Variants in KAZN observed in about 807,000 individuals in gnomAD.
KAZN encodes the protein kazrin.
In KAZN, 40 loss-of-function variants were observed where a neutral mutation model predicts 87.4. The observed-to-expected ratio is 0.46, with a 90% CI of 0.36 to 0.60. KAZN has a LOEUF of 0.60. Among genes scored for constraint, KAZN ranks in the 20% least tolerant of loss-of-function variants. KAZN has a pLI of 0.00. For synonymous variants in KAZN, 466 were observed against 458.3 expected, an observed-to-expected ratio of 1.02 and a Z score of -0.22; for missense variants, 898 against 1,073.9, an observed-to-expected ratio of 0.84 and a Z score of 2.29.
At chr1:13,986,133 T>C (rs919097758) in intron 1 of KAZN, among the ~76,000 whole-genome samples, 17 of 152,238 alleles carry the variant, frequency 1.1e-4, no homozygotes, top group Admixed American at 7.2e-4. Flanking sequence ...CCAACAGCAG[T>C]GTATGAGAGT....
intron 2 of KAZN, among the ~76,000 whole-genome samples, chr1:14,420,389 A>C (rs1665308825): frequency 6.6e-6 from 1 of 152,152 alleles, no homozygotes; most frequent in Admixed American, 6.5e-5. Flanking sequence ...TAAATTCTCC[A>C]AGTACCCACC....
intron 1 of KAZN, among the ~76,000 whole-genome samples, chr1:14,717,296 T>G (rs1339195617): frequency 6.6e-6 from 1 of 151,900 alleles, no homozygotes; most frequent in Non-Finnish European, 1.5e-5. Context: ...GCTGGGAATG[T>G]GTTGATGAAC....
chr1:14,945,970 G>T, intron 1 of KAZN: 1 of 948,572 alleles, frequency 1.1e-6, no homozygotes. Context: ...GTGCCAGGCC[G>T]CTTGCTGGGG....
intron 2 of KAZN, among the ~76,000 whole-genome samples, chr1:14,199,138 TC>T (rs1339474667): frequency 6.6e-6 from 1 of 152,182 alleles, no homozygotes; most frequent in South Asian, 2.1e-4. Flanking sequence ...ACATTGCAAG[TC>T]CCTGCTTAAA....
At chr1:14,050,169 GGTGT>G (rs1250902851) in intron 1 of KAZN, among the ~76,000 whole-genome samples, 3 of 150,764 alleles carry the variant, frequency 2.0e-5, no homozygotes, top group Admixed American at 6.6e-5. Context: ...CGCGTGTGTG[GGTGT>G]GTGCGCACAT....
intron 2 of KAZN, among the ~76,000 whole-genome samples, chr1:14,478,060 C>T (rs1275471677): frequency 1.3e-5 from 2 of 152,186 alleles, no homozygotes; most frequent in African/African-American, 2.4e-5. Flanking sequence ...CTCACTCCCA[C>T]CCTCATTCTC....
chr1:14,420,420 C>G (rs985847851), intron 2 of KAZN, among the ~76,000 whole-genome samples: 3 of 152,222 alleles, frequency 2.0e-5, no homozygotes, highest in Non-Finnish European at 2.9e-5. Context: ...GCCCAGCTGG[C>G]TTCACCTAGT....
chr1:14,786,541 C>T (rs1176033001), intron 1 of KAZN, among the ~76,000 whole-genome samples: 1 of 152,212 alleles, frequency 6.6e-6, no homozygotes, highest in Non-Finnish European at 1.5e-5. Context: ...GCAAGAAAAT[C>T]AAGCTCAAAT....
At chr1:14,798,516 TTTCC>T (rs1395356688) in intron 1 of KAZN, among the ~76,000 whole-genome samples, 3 of 6,220 alleles carry the variant, frequency 4.8e-4, no homozygotes, top group Non-Finnish European at 6.7e-4. Flanking sequence ...CAAGCTCCAC[TTTCC>T]ACTTCCCAGG....
intron 2 of KAZN, among the ~76,000 whole-genome samples, chr1:14,501,141 A>T (rs1012192793): frequency 6.6e-6 from 1 of 151,176 alleles, no homozygotes; most frequent in Non-Finnish European, 1.5e-5. Flanking sequence ...AAATAATAAT[A>T]AAAGCCCACA....
At chr1:14,628,038 A>G (rs879534966) in intron 1 of KAZN, among the ~76,000 whole-genome samples, 3 of 152,130 alleles carry the variant, frequency 2.0e-5, no homozygotes, top group Admixed American at 1.3e-4. Context: ...CCCAAGAAAT[A>G]GGCAGCACCC....
At chr1:14,554,230 T>A (rs369708289) in intron 2 of KAZN, among the ~76,000 whole-genome samples, 2 of 151,890 alleles carry the variant, frequency 1.3e-5, no homozygotes, top group Non-Finnish European at 2.9e-5. Context: ...AAGCACCCAA[T>A]AAAAGTCGGT....
At chr1:15,011,441 A>G (rs1182761904) in intron 2 of KAZN, among the ~76,000 whole-genome samples, 1 of 152,086 alleles carries the variant, frequency 6.6e-6, no homozygotes, top group African/African-American at 2.4e-5. Context: ...GGTTGTTTGC[A>G]CTTCTGCCCA....
chr1:14,289,023 T>C (rs1653475363), intron 2 of KAZN, among the ~76,000 whole-genome samples: 1 of 152,232 alleles, frequency 6.6e-6, no homozygotes, highest in Non-Finnish European at 1.5e-5. Context: ...GAGTTCTAAT[T>C]TGATTGCACT....
At chr1:14,803,735 G>T (rs1646115911) in intron 1 of KAZN, among the ~76,000 whole-genome samples, 1 of 152,234 alleles carries the variant, frequency 6.6e-6, no homozygotes, top group Admixed American at 6.5e-5. Flanking sequence ...GAGAGGCGAT[G>T]CCAAGGCTTT....
chr1:15,034,918 C>A (rs1021667454), intron 3 of KAZN, 33 bp downstream of exon 3: 1 of 1,610,448 alleles, frequency 6.2e-7, no homozygotes, highest in African/African-American at 1.3e-5. Context: ...CCTCCCCTCC[C>A]GACACACCAG....
At chr1:14,099,530 T>C (rs1644203358) in intron 1 of KAZN, among the ~76,000 whole-genome samples, 1 of 152,058 alleles carries the variant, frequency 6.6e-6, no homozygotes, top group Non-Finnish European at 1.5e-5. Flanking sequence ...CTGCCACCCA[T>C]CAGGAGGTTG....
intron 1 of KAZN, among the ~76,000 whole-genome samples, chr1:14,929,630 C>T (rs1659577877): frequency 6.6e-6 from 1 of 152,158 alleles, no homozygotes; most frequent in Non-Finnish European, 1.5e-5. Flanking sequence ...TTAAACCCGG[C>T]CGAAGCCATC....
chr1:15,017,426 G>GCA (rs2102133424), intron 2 of KAZN, among the ~76,000 whole-genome samples: 2 of 152,322 alleles, frequency 1.3e-5, no homozygotes, highest in East Asian at 3.9e-4. Context: ...TATTTATCTT[G>GCA]TTCTTGACCT....
Sources: allele counts gnomAD v4.1 joint callset (sites outside exome capture counted in the v4.1 genomes callset), GRCh38; gene constraint gnomAD v4.1.1; transcripts MANE v1.5; gene names NCBI Gene and HGNC (gene_info 2026-07-23, HGNC 2026-07-21).